The following MIB1 variants were observed in gnomAD, a reference collection of about 807,000 sequenced individuals.
MIB1 encodes MIB E3 ubiquitin protein ligase 1, also known as E3 ubiquitin-protein ligase MIB1.
In MIB1, 278 loss-of-function variants were observed where a neutral mutation model predicts 124.5. That is an observed-to-expected ratio of 2.23 (90% CI 2.02 to 2.47). MIB1 has a LOEUF of 2.47. Among genes scored for constraint, MIB1 ranks in the 30% most tolerant of loss-of-function variants. The probability of loss-of-function intolerance (pLI) is 0.00; values close to 1 mark genes in which losing one functional copy is unlikely to be tolerated. For missense variants in MIB1, 957 were observed against 1,254.4 expected (o/e 0.76, Z 3.58); for synonymous variants, 446 against 429.4 (o/e 1.04, Z -0.48).
At chr18:21,745,029 G>A (rs528940576) in intron 1 of MIB1, among the ~76,000 whole-genome samples, 2 of 152,292 alleles carry the variant, frequency 1.3e-5, no homozygotes, top group East Asian at 3.9e-4. Context: ...GCTTGTATAA[G>A]AATGTTCACA....
chr18:21,814,279 G>A lies in MIB1; in HGVS notation c.1480-1337G>A, dbSNP rs563478531. 2.0e-5 allele frequency among the ~76,000 whole-genome samples: 3 copies of A among 151,116 alleles called. No homozygotes were observed. The East Asian group carries it at 5.8e-4, about 29-fold the overall frequency. ...TGTATTTAATTTTTTTTCTGTTCTC[G>A]AATATACAGAAAAATGTATGCTCAT... On this transcript the variant is annotated intron_variant, in intron 10 of 20. Coordinates refer to ENST00000261537, the MANE Select transcript of MIB1 (RefSeq NM_020774.4).
chr18:21,852,404 CTG>C (rs2042187882), intron 17 of MIB1, among the ~76,000 whole-genome samples: 1 of 152,110 alleles, frequency 6.6e-6, no homozygotes, highest in Non-Finnish European at 1.5e-5. Context: ...CTAAATGTGA[CTG>C]TGTGTTAGAA....
intron 6 of MIB1, among the ~76,000 whole-genome samples, chr18:21,785,419 A>G (rs1158986052): frequency 2.6e-5 from 4 of 152,194 alleles, no homozygotes; most frequent in African/African-American, 9.7e-5. Context: ...GCTGGACCCT[A>G]TATTATAGAT....
intron 18 of MIB1, among the ~76,000 whole-genome samples, chr18:21,854,011 TTAAAAAAAA>T (rs1250639051): frequency 4.7e-5 from 2 of 42,350 alleles, no homozygotes; most frequent in Admixed American, 3.5e-4. Context: ...AGACTCAGTC[TTAAAAAAAA>T]AAAAAAAAAA....
intron 1 of MIB1, among the ~76,000 whole-genome samples, chr18:21,764,969 A>G (rs75628558): frequency 1.3e-5 from 2 of 149,196 alleles, no homozygotes; most frequent in Non-Finnish European, 1.5e-5. Flanking sequence ...CACATTGTTG[A>G]AAAAAAAATC....
intron 18 of MIB1, chr18:21,854,844 C>T: frequency 4.8e-6 from 1 of 208,736 alleles, no homozygotes; most frequent in Non-Finnish European, 1.0e-5. Context: ...TGAAGTCTGC[C>T]TGGGCACACG....
chr18:21,815,011 T>TTATATACA (rs1402179214), intron 10 of MIB1, among the ~76,000 whole-genome samples: 5 of 52,644 alleles, frequency 9.5e-5, no homozygotes, highest in African/African-American at 2.5e-4. Flanking sequence ...GCTGTTGGTT[T>TTATATACA]TATATATATA....
intron 12 of MIB1, chr18:21,829,079 C>A: frequency 2.1e-6 from 1 of 468,214 alleles, no homozygotes; most frequent in East Asian, 6.5e-5. Context: ...AGTATGTACT[C>A]TGAGTAGGTA....
At chr18:21,786,782 T>G in intron 6 of MIB1, among the ~76,000 whole-genome samples, 1 of 152,242 alleles carries the variant, frequency 6.6e-6, no homozygotes, top group East Asian at 1.9e-4. Context: ...GGATTTTTGT[T>G]TGATTTTGAA....
intron 12 of MIB1, 139 bp downstream of exon 12, chr18:21,819,785 C>G (rs2041863222): frequency 4.3e-6 from 2 of 460,810 alleles, no homozygotes; most frequent in Non-Finnish European, 3.7e-6. Flanking sequence ...AATATTATGC[C>G]TTTAGTTTTA....
intron 20 of MIB1, among the ~76,000 whole-genome samples, chr18:21,863,829 C>T (rs575834296): frequency 4.1e-4 from 62 of 152,116 alleles, no homozygotes; most frequent in African/African-American, 1.4e-3. Flanking sequence ...CATGGTGAAA[C>T]CCCATCTCTA....
intron 9 of MIB1, among the ~76,000 whole-genome samples, chr18:21,800,474 A>AT: frequency 6.6e-6 from 1 of 152,220 alleles, no homozygotes; most frequent in African/African-American, 2.4e-5. Flanking sequence ...AAGGCCATAT[A>AT]TTTTATAACT....
intron 1 of MIB1, among the ~76,000 whole-genome samples, chr18:21,742,526 G>C (rs2040865989): frequency 6.6e-6 from 1 of 152,154 alleles, no homozygotes; most frequent in African/African-American, 2.4e-5. Flanking sequence ...TCAGTAAGGT[G>C]ATGTCAGAAT....
intron 20 of MIB1, among the ~76,000 whole-genome samples, chr18:21,859,703 A>G (rs190924284): frequency 6.6e-6 from 1 of 152,098 alleles, no homozygotes; most frequent in African/African-American, 2.4e-5. Context: ...AGCCTGGCCA[A>G]CATGGCAAAA....
chr18:21,734,645 C>T (rs1328371514), intron 1 of MIB1, among the ~76,000 whole-genome samples: 1 of 151,716 alleles, frequency 6.6e-6, no homozygotes, highest in Non-Finnish European at 1.5e-5. Flanking sequence ...TCTTTTGCCT[C>T]AGCCTCCCGA....
rs1365069224 is a variant in MIB1 at position 21,869,493 on chromosome 18, A to G, written c.*4827A>G. The G allele has an allele frequency of 6.6e-6, 1 of 152,502 alleles. No homozygotes were observed. The highest frequency in any genetic ancestry group is 1.5e-5 in the Non-Finnish European group (1 of 67,910). The allele number at this position is 152,502 out of a possible 1,614,324, so 9.4% of individuals were successfully genotyped here. A position where few individuals can be genotyped will look rare whatever the true frequency, so the allele number is the denominator to read the frequency against. Reference sequence around the variant, plus strand: ...AAAAGATGGTCTTTAGTGCACGTGTATCATTATATACACGTTTTAAAGTCA... The same window carrying G: ...AAAAGATGGTCTTTAGTGCACGTGTGTCATTATATACACGTTTTAAAGTCA... On this transcript the variant is annotated 3_prime_UTR_variant, in exon 21 of 21. Coordinates refer to ENST00000261537, the MANE Select transcript of MIB1 (RefSeq NM_020774.4).
At chr18:21,804,870 T>G (rs534375198) in intron 10 of MIB1, among the ~76,000 whole-genome samples, 3 of 152,296 alleles carry the variant, frequency 2.0e-5, no homozygotes, top group Non-Finnish European at 4.4e-5. Context: ...TTTTCTAGTC[T>G]TATGTTACTT....
At chr18:21,738,511 TA>T, upstream of MIB1, among the ~76,000 whole-genome samples, 1 of 151,508 alleles carries the variant, frequency 6.6e-6, no homozygotes, top group African/African-American at 2.4e-5. Flanking sequence ...GCATCACAAT[TA>T]AAATAACTAG....
At chr18:21,712,927 A>C (rs776024778) in intron 1 of MIB1, among the ~76,000 whole-genome samples, 32 of 151,988 alleles carry the variant, frequency 2.1e-4, no homozygotes, top group Non-Finnish European at 3.2e-4. Flanking sequence ...TTGCCCACCA[A>C]TGTATCTATT....
Sources: gnomAD v4.1 joint callset for allele counts (sites outside exome capture counted in the v4.1 genomes callset) on GRCh38, gnomAD v4.1.1 for gene constraint, MANE v1.5 for transcripts, NCBI Gene and HGNC (gene_info 2026-07-23, HGNC 2026-07-21) for gene names.